The following BICD1 variants were observed in gnomAD, a reference collection of about 807,000 sequenced individuals.
BICD1 encodes BICD cargo adaptor 1.
Under a neutral mutation model 92.5 loss-of-function variants are expected in BICD1, and 35 were observed. That is an observed-to-expected ratio of 0.38 (90% CI 0.29 to 0.50). The LOEUF is 0.50. Ranked by LOEUF, BICD1 falls within the 20% of genes least tolerant of loss-of-function variation. The probability of loss-of-function intolerance (pLI) is 0.93; values close to 1 mark genes in which losing one functional copy is unlikely to be tolerated. For missense variants in BICD1, 950 were observed against 1,189.8 expected, an observed-to-expected ratio of 0.80 and a Z score of 2.97; for synonymous variants, 429 against 465.1, an observed-to-expected ratio of 0.92 and a Z score of 1.00.
intron 9 of BICD1, among the ~76,000 whole-genome samples, chr12:32,375,415 A>G (rs1038630158): frequency 2.0e-5 from 3 of 152,094 alleles, no homozygotes; most frequent in Non-Finnish European, 4.4e-5. Flanking sequence ...TTGTAATCCC[A>G]GCTACTCGGG....
intron 8 of BICD1, chr12:32,353,693 T>G (rs1466565360): frequency 1.3e-5 from 2 of 152,188 alleles, no homozygotes; most frequent in East Asian, 3.8e-4. Flanking sequence ...TTTTAGTGGA[T>G]TCTTGATTGT....
At position 32,382,822 on chromosome 12, in the gene BICD1, G is replaced by A. The variant is rs1940230057; in HGVS notation, c.*5195G>A. The A allele has an allele frequency of 6.6e-6, 1 of 151,682 alleles. No individual in the cohort carries two copies. Among genetic ancestry groups the A allele is most frequent in the South Asian group, 2.1e-4 (1 of 4,808 alleles). 9.4% of individuals were successfully genotyped at this position (151,682 alleles called of 1,614,324 possible). A position where few individuals can be genotyped will look rare whatever the true frequency, so the allele number is the denominator to read the frequency against. On this transcript the variant is annotated 3_prime_UTR_variant, in exon 10 of 10. Transcript: ENST00000652176. The stretch of plus-strand genomic sequence containing the variant: ...AGATGAGAGAACTATAAAGTAAGGG[G>A]AAATATCATTTTATTTAAAAATAAT...
intron 2 of BICD1, among the ~76,000 whole-genome samples, chr12:32,255,606 G>A (rs182556207): frequency 2.3e-4 from 35 of 152,354 alleles, no homozygotes; most frequent in African/African-American, 7.9e-4. Flanking sequence ...TGTTCTGCAA[G>A]GCTGTGATCA....
rs1937643326 is a variant in BICD1, at chr12:32,328,240, T to A, written c.1785T>A (p.Thr595=). The change falls in exon 5 of 10, where the codon ACT becomes ACA. Residue 595 remains threonine (T), a synonymous_variant. Coordinates refer to ENST00000652176, the MANE Select transcript of BICD1 (RefSeq NM_001714.4). This position sits in a 1 kb window ranked among gnomAD's most constrained non-coding sequence, Gnocchi z 4.4. ...STEASKEPSP[T]KTPTISPVIT... is the part of the protein sequence containing the mutation. ...AGGCCAGCAAAGAACCAAGTCCAAC[T>A]AAGACCCCCACAATCTCTCCTGTTA... is the stretch of plus-strand genomic sequence containing the variant. 6.2e-7 allele frequency: 1 copy of A among 1,614,002 alleles called. No individual in the cohort carries two copies. The highest frequency in any genetic ancestry group is 1.3e-5 in the African/African-American group (1 of 74,886).
At chr12:32,296,246 GTTTTTT>G (rs373702037) in intron 3 of BICD1, among the ~76,000 whole-genome samples, 2 of 108,610 alleles carry the variant, frequency 1.8e-5, no homozygotes, top group Non-Finnish European at 3.5e-5. Flanking sequence ...ATAAGAAGGG[GTTTTTT>G]TTTGTTTTTT....
intron 1 of BICD1, among the ~76,000 whole-genome samples, chr12:32,151,036 A>G (rs1943272160): frequency 6.6e-6 from 1 of 152,214 alleles, no homozygotes; most frequent in Non-Finnish European, 1.5e-5. Flanking sequence ...ACTGGCTTAT[A>G]TCTTCTGTGT....
At chr12:32,152,972 G>A (rs1488621330) in intron 1 of BICD1, among the ~76,000 whole-genome samples, 1 of 152,044 alleles carries the variant, frequency 6.6e-6, no homozygotes, top group African/African-American at 2.4e-5. Context: ...TTTTACTGAG[G>A]TATATCGTGT....
At chr12:32,250,629 A>G (rs1001480609) in intron 2 of BICD1, among the ~76,000 whole-genome samples, 2 of 152,144 alleles carry the variant, frequency 1.3e-5, no homozygotes, top group Admixed American at 1.3e-4. Context: ...AAATTGTGTT[A>G]TTTTAATCTT....
chr12:32,232,653 A>G (rs1945926861), intron 2 of BICD1, among the ~76,000 whole-genome samples: 1 of 152,052 alleles, frequency 6.6e-6, no homozygotes, highest in South Asian at 2.1e-4. Context: ...TTATACATGA[A>G]GTCCTTGCCC....
intron 3 of BICD1, among the ~76,000 whole-genome samples, chr12:32,299,229 C>T (rs530720540): frequency 3.9e-5 from 6 of 152,286 alleles, no homozygotes; most frequent in Non-Finnish European, 8.8e-5. Flanking sequence ...CCTAATAAAG[C>T]ACTTATTTTT....
intron 2 of BICD1, among the ~76,000 whole-genome samples, chr12:32,255,798 A>G (rs1320823226): frequency 6.6e-6 from 1 of 152,196 alleles, no homozygotes; most frequent in Non-Finnish European, 1.5e-5. Flanking sequence ...CCTGATACCC[A>G]ATCAGAATTA....
intron 1 of BICD1, among the ~76,000 whole-genome samples, chr12:32,167,456 CT>C (rs201958703): frequency 1.9e-4 from 28 of 149,138 alleles, no homozygotes; most frequent in South Asian, 4.3e-4. Flanking sequence ...GAGAATCATT[CT>C]TTTTTTTTTA....
intron 1 of BICD1, among the ~76,000 whole-genome samples, chr12:32,146,919 TCTTCCTC>T (rs1943129603): frequency 6.7e-6 from 1 of 148,900 alleles, no homozygotes; most frequent in Non-Finnish European, 1.5e-5. Context: ...TCTTCTTCCT[TCTTCCTC>T]CTTCCTCCTC....
At chr12:32,236,019 T>C (rs928448234) in intron 2 of BICD1, among the ~76,000 whole-genome samples, 2 of 151,892 alleles carry the variant, frequency 1.3e-5, no homozygotes, top group Admixed American at 1.3e-4. Context: ...ATTATTGTTA[T>C]ATCTGTTATG....
At position 32,303,888 on chromosome 12, in the gene BICD1, C is replaced by T. The variant is rs1234688782; in HGVS notation, c.580-1809C>T. Among the ~76,000 whole-genome samples the T allele has an allele frequency of 2.0e-5, 3 of 152,152 alleles. No homozygotes were observed. The East Asian group carries it at 5.8e-4, about 29-fold the overall frequency. On this transcript the variant is annotated intron_variant, in intron 3 of 9. Transcript: ENST00000652176. ...AGGAGATTGAAATCATCCTAGCTAA[C>T]ATGGTGAAACCCTGTCTCTACTAAA...
chr12:32,306,297 A>G (rs540352208), intron 4 of BICD1, among the ~76,000 whole-genome samples, 175 bp downstream of exon 4: 27 of 151,976 alleles, frequency 1.8e-4, no homozygotes, highest in Admixed American at 3.9e-4. Context: ...AGGCTGGAGT[A>G]CAGTGGTGCA....
At chr12:32,293,128 C>T (rs564275052) in intron 2 of BICD1, among the ~76,000 whole-genome samples, 97 of 152,208 alleles carry the variant, frequency 6.4e-4, no homozygotes, top group African/African-American at 2.3e-3. Flanking sequence ...CCGCTATTGA[C>T]AGTTTTCTGG....
chr12:32,325,265 C>T (rs1948749130), intron 4 of BICD1, among the ~76,000 whole-genome samples: 1 of 152,064 alleles, frequency 6.6e-6, no homozygotes. Flanking sequence ...CAAGACAAGG[C>T]AACTACATCC....
At chr12:32,278,995 G>A (rs181021998) in intron 2 of BICD1, among the ~76,000 whole-genome samples, 1 of 152,252 alleles carries the variant, frequency 6.6e-6, no homozygotes, top group East Asian at 1.9e-4. Context: ...CCAGCACAAT[G>A]CAGTACTTTG....
Sources: gnomAD v4.1 joint callset for allele counts (sites outside exome capture counted in the v4.1 genomes callset) on GRCh38, gnomAD v4.1.1 for gene constraint, Gnocchi (gnomAD v3.1) non-coding constraint, MANE v1.5 for transcripts, NCBI Gene and HGNC (gene_info 2026-07-23, HGNC 2026-07-21) for gene names.